The following NCKAP5 variants were observed in gnomAD, a reference collection of about 807,000 sequenced individuals.
The protein encoded by NCKAP5 is nck-associated protein 5.
Under a neutral mutation model 167.0 loss-of-function variants are expected in NCKAP5, and 92 were observed. That is an observed-to-expected ratio of 0.55 (90% CI 0.47 to 0.66). The LOEUF is 0.66. NCKAP5 is among the 30% of genes least tolerant of loss of function. NCKAP5 has a pLI of 0.00. For missense variants in NCKAP5, 2,378 were observed against 2,315.0 expected, an observed-to-expected ratio of 1.03 and a Z score of -0.56; for synonymous variants, 891 against 877.4, an observed-to-expected ratio of 1.02 and a Z score of -0.27.
intron 2 of NCKAP5, among the ~76,000 whole-genome samples, chr2:133,541,378 G>A (rs72992351): frequency 0.085 from 12,918 of 152,024 alleles, 901 homozygotes; most frequent in African/African-American, 0.19. Context: ...AAACATGAGA[G>A]CAACATTCAC....
chr2:133,622,207 C>T, the NCKAP5 span, among the ~76,000 whole-genome samples: 1 of 152,176 alleles, frequency 6.6e-6, no homozygotes, highest in Admixed American at 6.5e-5. Context: ...TGAAAGCACT[C>T]CCCCTGAGAA....
intron 6 of NCKAP5, chr2:133,116,936 T>G (rs1487341918): frequency 6.6e-6 from 1 of 152,220 alleles, no homozygotes; most frequent in African/African-American, 2.4e-5. Context: ...CTCAATAATA[T>G]TAGCTCACTT....
At chr2:132,934,427 G>T (rs10204350) in intron 8 of NCKAP5, among the ~76,000 whole-genome samples, 6,543 of 152,130 alleles carry the variant, frequency 0.043, 433 homozygotes, top group African/African-American at 0.15. Context: ...ACAAAAACTA[G>T]CCTGACTTAG....
At chr2:133,356,035 T>C (rs1470424871) in intron 3 of NCKAP5, among the ~76,000 whole-genome samples, 2 of 152,060 alleles carry the variant, frequency 1.3e-5, no homozygotes, top group African/African-American at 4.8e-5. Flanking sequence ...TCAGAGATCC[T>C]CTTGCTTCAG....
chr2:133,671,738 CACAACA>C, the NCKAP5 span, among the ~76,000 whole-genome samples: 7 of 151,474 alleles, frequency 4.6e-5, no homozygotes, highest in African/African-American at 7.3e-5. Context: ...TTCTGGTATA[CACAACA>C]ACAACAACAA....
At chr2:132,928,998 A>G (rs941625669) in intron 8 of NCKAP5, among the ~76,000 whole-genome samples, 2 of 149,666 alleles carry the variant, frequency 1.3e-5, no homozygotes, top group Non-Finnish European at 2.9e-5. Context: ...ACAAAACAAA[A>G]CAAAATTAGC....
chr2:133,210,104 G>T (rs917148011), intron 5 of NCKAP5, among the ~76,000 whole-genome samples: 1 of 151,348 alleles, frequency 6.6e-6, no homozygotes, highest in Non-Finnish European at 1.5e-5. Context: ...GGCAGAGGTC[G>T]CAGTGAGCCG....
intron 11 of NCKAP5, among the ~76,000 whole-genome samples, chr2:132,835,236 T>C (rs1687805772): frequency 6.6e-6 from 1 of 152,194 alleles, no homozygotes; most frequent in Admixed American, 6.5e-5. Flanking sequence ...TGAGGATTTT[T>C]GCATCTATAT....
the NCKAP5 span, among the ~76,000 whole-genome samples, chr2:133,603,459 A>G: frequency 2.0e-5 from 3 of 152,038 alleles, no homozygotes; most frequent in Non-Finnish European, 4.4e-5. Flanking sequence ...TCCCCACCTC[A>G]GTTGATCCGC....
intron 16 of NCKAP5, among the ~76,000 whole-genome samples, chr2:132,748,947 C>A (rs1397911164): frequency 2.0e-5 from 3 of 151,978 alleles, no homozygotes; most frequent in African/African-American, 7.3e-5. Flanking sequence ...CCACACCCAG[C>A]TAATTTTTGT....
At chr2:133,314,197 A>G (rs1681446413) in intron 3 of NCKAP5, among the ~76,000 whole-genome samples, 1 of 152,200 alleles carries the variant, frequency 6.6e-6, no homozygotes, top group African/African-American at 2.4e-5. Context: ...AGGCCAAGTT[A>G]TAAGTTCTTT....
intron 4 of NCKAP5, among the ~76,000 whole-genome samples, chr2:133,283,084 CA>C (rs1471775594): frequency 1.3e-5 from 2 of 152,042 alleles, no homozygotes; most frequent in Non-Finnish European, 2.9e-5. Context: ...CTCACATAAG[CA>C]GAACATTATG....
Position 133,124,638 on chromosome 2 carries a change from T to C in NCKAP5, c.341+5340A>G, listed in dbSNP as rs1227080845. ...TTACAGCTAAGCTATAAATACGGTGTTTTGTTCATATATGTACGTAAGACT... is the reference window on the plus strand; with the variant it reads ...TTACAGCTAAGCTATAAATACGGTGCTTTGTTCATATATGTACGTAAGACT... On this transcript the variant is annotated intron_variant, in intron 6 of 19. Coordinates refer to ENST00000409261, the MANE Select transcript of NCKAP5 (RefSeq NM_207363.3). Among the ~76,000 whole-genome samples, 4 of 152,228 alleles carry C rather than the reference T, an allele frequency of 2.6e-5. No homozygotes were observed. In the East Asian group the frequency reaches 7.7e-4, roughly 29 times the overall value.
At chr2:132,926,997 T>C (rs931167964) in intron 8 of NCKAP5, among the ~76,000 whole-genome samples, 5 of 152,236 alleles carry the variant, frequency 3.3e-5, no homozygotes, top group African/African-American at 1.2e-4. Context: ...GTTATTTTAA[T>C]AGTTTCAGAT....
chr2:132,694,636 C>T (rs1687134665), intron 19 of NCKAP5, among the ~76,000 whole-genome samples: 1 of 152,176 alleles, frequency 6.6e-6, no homozygotes, highest in Non-Finnish European at 1.5e-5. Flanking sequence ...TAAATGGCTT[C>T]ACTTCCTTCA....
intron 3 of NCKAP5, among the ~76,000 whole-genome samples, chr2:133,322,687 C>T (rs1682144504): frequency 6.6e-6 from 1 of 152,194 alleles, no homozygotes; most frequent in Non-Finnish European, 1.5e-5. Flanking sequence ...GAGAATCTAT[C>T]CTGGGGGATG....
chr2:133,330,041 A>G (rs1199123137), intron 3 of NCKAP5, among the ~76,000 whole-genome samples: 1 of 149,548 alleles, frequency 6.7e-6, no homozygotes, highest in Non-Finnish European at 1.5e-5. Flanking sequence ...AATGTGGCCA[A>G]GAAAGCAAGA....
chr2:132,994,138 T>A lies in NCKAP5; in HGVS notation c.429+14A>T. The stretch of plus-strand genomic sequence containing the variant: ...CAGACCAGTACCCAGCCAAGAATAA[T>A]AAACATGGTGTACCTGATAGACCAT... On this transcript the variant is annotated intron_variant, in intron 7 of 19. Coordinates refer to ENST00000409261, the MANE Select transcript of NCKAP5 (RefSeq NM_207363.3). 1 of 1,531,476 alleles carries A rather than the reference T, an allele frequency of 6.5e-7. No homozygotes were observed. The allele number at this position is 1,531,476 out of a possible 1,614,324, so 94.9% of individuals were successfully genotyped here.
chr2:132,776,653 T>G (rs1455820200), intron 15 of NCKAP5, among the ~76,000 whole-genome samples: 1 of 152,158 alleles, frequency 6.6e-6, no homozygotes, highest in Non-Finnish European at 1.5e-5. Flanking sequence ...TTGTCAATTC[T>G]AATTATCCAT....
Sources: gnomAD v4.1 joint callset for allele counts (sites outside exome capture counted in the v4.1 genomes callset) on GRCh38, gnomAD v4.1.1 for gene constraint, MANE v1.5 for transcripts, NCBI Gene and HGNC (gene_info 2026-07-23, HGNC 2026-07-21) for gene names.